DCAF7: variants seen among roughly 807,000 people sequenced by gnomAD.
The protein encoded by DCAF7 is DDB1 and CUL4 associated factor 7, also known as DDB1- and CUL4-associated factor 7.
A neutral mutation model predicts 41.2 loss-of-function variants in DCAF7; 4 were observed. The observed-to-expected ratio is 0.10, with a 90% confidence interval of 0.05 to 0.22. DCAF7 has a LOEUF of 0.22. Among genes scored for constraint, DCAF7 ranks in the 10% least tolerant of loss-of-function variants. The pLI is 1.00. For synonymous variants in DCAF7, 143 were observed against 164.2 expected, an observed-to-expected ratio of 0.87 and a Z score of 0.99; for missense variants, 131 against 443.2, an observed-to-expected ratio of 0.30 and a Z score of 6.32.
At chr17:63,567,606 G>C (rs187847007) in intron 1 of DCAF7, among the ~76,000 whole-genome samples, 1 of 152,308 alleles carries the variant, frequency 6.6e-6, no homozygotes, top group South Asian at 2.1e-4. Context: ...AACTCTAGTC[G>C]TAGGCAAAGC....
At chr17:63,567,481 G>A (rs1324375552) in intron 1 of DCAF7, among the ~76,000 whole-genome samples, 1 of 152,180 alleles carries the variant, frequency 6.6e-6, no homozygotes, top group Non-Finnish European at 1.5e-5. Flanking sequence ...ACATTCAGGT[G>A]GGCCAGGACT....
In DCAF7 at chr17:63,585,516, A is replaced by C. The variant is rs528598901; in HGVS notation, c.856+188A>C. 8.5e-5 allele frequency among the ~76,000 whole-genome samples: 13 copies of C among 152,330 alleles called. No homozygotes were observed. The East Asian group carries it at 2.5e-3, about 29-fold the overall frequency. The stretch of plus-strand genomic sequence containing the variant: ...AATTTTTAGACGATCTTGTACCCTC[A>C]TGGACATCAGAACATCTTCCATATA... On this transcript the variant is annotated intron_variant, in intron 6 of 6. Coordinates refer to ENST00000614556, the MANE Select transcript of DCAF7 (RefSeq NM_005828.5).
chr17:63,553,140 G>T (rs1488609890), intron 1 of DCAF7, among the ~76,000 whole-genome samples: 1 of 152,120 alleles, frequency 6.6e-6, no homozygotes, highest in Non-Finnish European at 1.5e-5. Context: ...TTTTTAAAGT[G>T]GTGATGTAGT....
At chr17:63,585,079 A>G in intron 5 of DCAF7, 132 bp from the exon 6 acceptor site, 1 of 694,870 alleles carries the variant, frequency 1.4e-6, no homozygotes, top group Non-Finnish European at 2.4e-6. Flanking sequence ...TCCTATGGAA[A>G]TCCTGTCTCT....
chr17:63,566,230 G>A (rs908862514), intron 1 of DCAF7, among the ~76,000 whole-genome samples: 9 of 152,094 alleles, frequency 5.9e-5, no homozygotes, highest in African/African-American at 2.2e-4. Context: ...AATTAGCCGG[G>A]CGTGGTGGTA....
chr17:63,578,494 GAGAGTTC>G lies in DCAF7; in HGVS notation c.170_176del (p.Ser57LeufsTer53). 6.2e-7 allele frequency: 1 copy of G among 1,614,038 alleles called. No individual in the cohort carries two copies. On this transcript the variant is annotated frameshift_variant, in exon 2 of 7. Coordinates refer to ENST00000614556, the MANE Select transcript of DCAF7 (RefSeq NM_005828.5). LOFTEE classifies it high-confidence loss of function. The stretch of plus-strand genomic sequence containing the variant: ...GGTTCAGCTTGTTGGTTTAGATGAG[GAGAGTTC>G]AGAGTTTATTTGCAGAAACACCTTT...
chr17:63,559,389 A>ATATATATATGTATATATATG (rs1220467020), intron 1 of DCAF7, among the ~76,000 whole-genome samples: 3 of 47,636 alleles, frequency 6.3e-5, no homozygotes, highest in South Asian at 5.3e-4. Flanking sequence ...ATATATATGT[A>ATATATATATGTATATATATG]TATATATATG....
chr17:63,581,434 A>G (rs1281927116), intron 4 of DCAF7, among the ~76,000 whole-genome samples: 1 of 152,246 alleles, frequency 6.6e-6, no homozygotes, highest in Non-Finnish European at 1.5e-5. Context: ...GCAGCTGCCT[A>G]TAGGCCAGAG....
intron 1 of DCAF7, among the ~76,000 whole-genome samples, chr17:63,568,277 A>C (rs1264991118): frequency 6.6e-6 from 1 of 152,176 alleles, no homozygotes; most frequent in African/African-American, 2.4e-5. Flanking sequence ...CTGGGATTAC[A>C]AGAGTGAGCC....
chr17:63,583,768 T>C (rs1381309054), intron 5 of DCAF7, 57 bp downstream of exon 5: 3 of 1,546,304 alleles, frequency 1.9e-6, no homozygotes, highest in Admixed American at 1.7e-5. Context: ...CTGCTTAGTA[T>C]ATCTAGAAGG....
intron 1 of DCAF7, 70 bp from the exon 2 acceptor site, chr17:63,578,400 G>T: frequency 6.3e-7 from 1 of 1,594,522 alleles, no homozygotes; most frequent in South Asian, 1.1e-5. Context: ...CTCTGTCACT[G>T]ACCAGGGATC....
chr17:63,580,194 C>CT (rs1362807040), intron 4 of DCAF7, among the ~76,000 whole-genome samples: 1 of 151,960 alleles, frequency 6.6e-6, no homozygotes, highest in East Asian at 1.9e-4. Flanking sequence ...CCAGAGGTTG[C>CT]TTTTTTTAAA....
At chr17:63,559,877 A>G (rs554322302) in intron 1 of DCAF7, among the ~76,000 whole-genome samples, 20 of 152,340 alleles carry the variant, frequency 1.3e-4, no homozygotes, top group African/African-American at 4.8e-4. Flanking sequence ...ACACGGGAGA[A>G]TCTTGGTGTG....
chr17:63,552,634 T>G (rs1310968098), intron 1 of DCAF7: 1 of 152,226 alleles, frequency 6.6e-6, no homozygotes, highest in Non-Finnish European at 1.5e-5. Flanking sequence ...TTCAAAGGGC[T>G]TAAGTCTTTT....
At chr17:63,584,655 G>A (rs1009458455) in intron 5 of DCAF7, among the ~76,000 whole-genome samples, 1 of 152,148 alleles carries the variant, frequency 6.6e-6, no homozygotes. Context: ...CCAGCTACTC[G>A]GGAGGCTGAG....
intron 1 of DCAF7, among the ~76,000 whole-genome samples, chr17:63,575,438 G>C (rs556052658): frequency 6.6e-6 from 1 of 152,190 alleles, no homozygotes; most frequent in African/African-American, 2.4e-5. Flanking sequence ...AGTGGTTCAC[G>C]CCTGTAATAT....
intron 4 of DCAF7, among the ~76,000 whole-genome samples, chr17:63,581,549 C>G (rs538610428): frequency 6.6e-6 from 1 of 152,272 alleles, no homozygotes; most frequent in African/African-American, 2.4e-5. Flanking sequence ...TTAGCTTTTC[C>G]CTGCCTCCCA....
chr17:63,554,766 T>C (rs541371929), intron 1 of DCAF7, among the ~76,000 whole-genome samples: 2 of 152,380 alleles, frequency 1.3e-5, no homozygotes, highest in East Asian at 3.9e-4. Context: ...TGTTATTTAA[T>C]TATTATCATT....
In DCAF7 at chr17:63,568,880, C is replaced by T. The variant is rs113665294; in HGVS notation, c.139-9590C>T. ...CCAGCTTTCCCTGCAGCTCCATGCA[C>T]GCTGCGTCTGTGGCCCTTTCCTGCC... On this transcript the variant is annotated intron_variant, in intron 1 of 6. Transcript: ENST00000614556. Among the ~76,000 whole-genome samples the T allele has an allele frequency of 9.5e-3, 1,445 of 152,318 alleles. 30 individuals are homozygous for T. Among genetic ancestry groups the T allele is most frequent in the African/African-American group, 0.033 (1,361 of 41,558 alleles).
Sources: gnomAD v4.1 joint callset for allele counts (sites outside exome capture counted in the v4.1 genomes callset) on GRCh38, gnomAD v4.1.1 for gene constraint, MANE v1.5 for transcripts, NCBI Gene and HGNC (gene_info 2026-07-23, HGNC 2026-07-21) for gene names.